VPS52: variants seen among roughly 807,000 people sequenced by gnomAD.
VPS52 encodes the protein vacuolar protein sorting-associated protein 52 homolog.
A neutral mutation model predicts 98.7 loss-of-function variants in VPS52; 56 were observed. The observed-to-expected ratio is 0.57, with a 90% CI of 0.46 to 0.71. VPS52 has a LOEUF of 0.71. VPS52 is among the 30% of genes least tolerant of loss of function. VPS52 has a pLI of 0.00. For missense variants in VPS52, 742 were observed against 925.9 expected (o/e 0.80, Z 2.58); for synonymous variants, 348 against 346.4 (o/e 1.00, Z -0.05).
At chr6:33,261,077 T>A (rs1763577778) in intron 17 of VPS52, among the ~76,000 whole-genome samples, 1 of 152,014 alleles carries the variant, frequency 6.6e-6, no homozygotes, top group Admixed American at 6.6e-5. Flanking sequence ...TTGTCTTTTG[T>A]AAAGACAACT....
intron 17 of VPS52, among the ~76,000 whole-genome samples, chr6:33,252,591 A>C (rs1429701283): frequency 6.2e-5 from 2 of 32,350 alleles, no homozygotes; most frequent in East Asian, 2.5e-3. Flanking sequence ...TCCGTCTCAA[A>C]AAAAAAAAAA....
chr6:33,269,919 C>A (rs903350775), intron 3 of VPS52, 80 bp downstream of exon 3: 1 of 1,604,682 alleles, frequency 6.2e-7, no homozygotes, highest in Admixed American at 1.7e-5. Flanking sequence ...CAGGCTGATA[C>A]AACAAAAGCA....
intron 13 of VPS52, 134 bp from the exon 14 acceptor site, chr6:33,264,631 A>G (rs1764072486): frequency 6.8e-7 from 1 of 1,467,804 alleles, no homozygotes. Flanking sequence ...GAGAAAGGTG[A>G]GTCAAAAAGC....
Position 33,270,259 on chromosome 6 carries a change from G to T in VPS52, c.115C>A (p.Pro39Thr). 1 of 1,613,284 alleles carries T rather than the reference G, an allele frequency of 6.2e-7. No homozygotes were observed. The highest frequency in any genetic ancestry group is 1.7e-4 in the Middle Eastern group (1 of 6,054). Residue 39 changes from proline (P) to threonine (T), a missense_variant, in exon 2 of 20, where the codon CCA becomes ACA. Physicochemically the swap from Pro to Thr is conservative, Grantham distance 38. Around this residue, in one of 2 missense-constraint regions of VPS52, gnomAD observed 152 missense variants for 132.6 expected, o/e 1.15. Transcript: ENST00000445902. ...ATATCCAACTCCCCAAGTTGCAGTG[G>T]TTCCTGGAGCCCAGGACCACCCGCC... ...PLAGGPGLQE[P>T]LQLGELDITS...
rs200453261 is a variant in VPS52, at chr6:33,264,150, C to A, written c.1525-47G>T. 8 of 1,603,728 alleles carry A rather than the reference C, an allele frequency of 5.0e-6. No homozygotes were observed. The Admixed American group carries it at 1.2e-4, about 23-fold the overall frequency. On this transcript the variant is annotated intron_variant, in intron 14 of 19. Transcript: ENST00000445902. ...AATCACACCCACCTCCTGGCCCAAC[C>A]AACACAACCTCCCAACTTCCTTAGC...
At chr6:33,258,496 A>G (rs1208405353) in intron 17 of VPS52, among the ~76,000 whole-genome samples, 6 of 152,026 alleles carry the variant, frequency 3.9e-5, no homozygotes, top group Non-Finnish European at 8.8e-5. Context: ...GATACATACT[A>G]AAAGATAATC....
At chr6:33,264,348 C>G in intron 14 of VPS52, 26 bp downstream of exon 14, 8 of 1,612,224 alleles carry the variant, frequency 5.0e-6, no homozygotes, top group South Asian at 1.1e-5. Context: ...TTTCAAGAAC[C>G]CTTTGTTACC....
rs900499552 is a variant in VPS52, at chr6:33,271,737, T to C, written c.-62A>G. The C allele has an allele frequency of 2.4e-5, 37 of 1,543,416 alleles. No homozygotes were observed. Among genetic ancestry groups the C allele is most frequent in the Non-Finnish European group, 3.2e-5 (37 of 1,143,156 alleles). ...GCGAGTCCGTTCCCCGGAGTGGAGC[T>C]ACAAGTCCCAAAGGGTCTTCCTCAG... is the stretch of plus-strand genomic sequence containing the variant. On this transcript the variant is annotated 5_prime_UTR_variant, in exon 1 of 20. Transcript: ENST00000445902.
intron 17 of VPS52, among the ~76,000 whole-genome samples, chr6:33,253,307 T>A (rs1226798169): frequency 1.3e-5 from 2 of 152,052 alleles, no homozygotes; most frequent in East Asian, 3.9e-4. Context: ...CTGGCCAACA[T>A]GGTGAAATCC....
chr6:33,267,052 T>C lies in VPS52; in HGVS notation c.1125+136A>G, dbSNP rs1280894521. On this transcript the variant is annotated intron_variant, in intron 11 of 19. Coordinates refer to ENST00000445902, the MANE Select transcript of VPS52 (RefSeq NM_022553.6). This position sits in a 1 kb window ranked among gnomAD's most constrained non-coding sequence, Gnocchi z 4.2. The stretch of plus-strand genomic sequence containing the variant: ...TTCACATCACAGCAGGCTGGAGTGA[T>C]TGGAGAAGGCCACTCCCAAGTCTAA... 4.8e-6 allele frequency: 6 copies of C among 1,259,850 alleles called. No individual in the cohort carries two copies. The highest frequency in any genetic ancestry group is 3.0e-5 in the African/African-American group (2 of 66,670). 78.0% of individuals were successfully genotyped at this position (1,259,850 alleles called of 1,614,324 possible).
intron 17 of VPS52, among the ~76,000 whole-genome samples, chr6:33,261,867 C>G (rs776001405): frequency 6.6e-6 from 1 of 151,722 alleles, no homozygotes; most frequent in Admixed American, 6.6e-5. Flanking sequence ...ATGGTGAAAC[C>G]CCATCTCTAC....
At position 33,267,331 on chromosome 6, in the gene VPS52, G is replaced by T. The variant is rs756469020; in HGVS notation, c.992-10C>A. 6.4e-7 allele frequency: 1 copy of T among 1,565,880 alleles called. No homozygotes were observed. Among genetic ancestry groups the T allele is most frequent in the East Asian group, 2.3e-5 (1 of 44,110 alleles). The stretch of plus-strand genomic sequence containing the variant: ...GGCTTTGAGAAGAATCGTAAGATGG[G>T]TCAGAGTCAGGGAAAACAATGAGAC... On this transcript the variant is annotated splice_polypyrimidine_tract_variant and intron_variant, in intron 10 of 19. Transcript: ENST00000445902. The surrounding 1 kb of genome is among the most constrained non-coding windows in gnomAD (Gnocchi z 4.2).
chr6:33,269,959 A>C, intron 3 of VPS52, 40 bp downstream of exon 3: 1 of 1,613,732 alleles, frequency 6.2e-7, no homozygotes, highest in Non-Finnish European at 8.5e-7. Flanking sequence ...TTTGGGGTAG[A>C]ATAGATAGAA....
At chr6:33,261,972 G>A (rs562534096) in intron 17 of VPS52, among the ~76,000 whole-genome samples, 2 of 145,378 alleles carry the variant, frequency 1.4e-5, no homozygotes, top group South Asian at 4.4e-4. Context: ...CCTGGGAGGC[G>A]GAGGTTGCGG....
At chr6:33,251,781 C>T (rs1762279195) in intron 18 of VPS52, 79 bp downstream of exon 18, 1 of 1,486,480 alleles carries the variant, frequency 6.7e-7, no homozygotes, top group Admixed American at 1.7e-5. Flanking sequence ...TATTCCCCCA[C>T]CATGTAATCT....
Position 33,251,246 on chromosome 6 carries a change from G to A in VPS52, c.2026-259C>T, listed in dbSNP as rs538867821. Among the ~76,000 whole-genome samples the A allele has an allele frequency of 4.8e-4, 73 of 152,102 alleles. 4 individuals are homozygous for A. The East Asian group carries it at 5.0e-3, about 10-fold the overall frequency. ...AATCCCAGCTACTTGGGAGGCTGAG[G>A]CAGGAAAATCACTTGAACCTGGGAG... On this transcript the variant is annotated intron_variant, in intron 19 of 19. Coordinates refer to ENST00000445902, the MANE Select transcript of VPS52 (RefSeq NM_022553.6).
rs150281408 is a variant in VPS52 at position 33,250,796 on chromosome 6, A to G, written c.*45T>C. On this transcript the variant is annotated 3_prime_UTR_variant, in exon 20 of 20. Transcript: ENST00000445902. ...AGAAGGGTATGGAATGGGGTGCAGA[A>G]GTCCATGGAGATGACCGGCAGATCT... 6.3e-7 allele frequency: 1 copy of G among 1,596,244 alleles called. No individual in the cohort carries two copies. Among genetic ancestry groups the G allele is most frequent in the Non-Finnish European group, 8.6e-7 (1 of 1,168,802 alleles).
In VPS52 at chr6:33,270,409, GA is replaced by G. The variant is rs375610661; in HGVS notation, c.91-127del. 1,970 of 859,690 alleles carry G rather than the reference GA, an allele frequency of 2.3e-3. 27 individuals are homozygous for G. The African/African-American group carries it at 0.024, about 10-fold the overall frequency. The allele number at this position is 859,690 out of a possible 1,614,324, so 53.3% of individuals were successfully genotyped here. A position where few individuals can be genotyped will look rare whatever the true frequency, so the allele number is the denominator to read the frequency against. On this transcript the variant is annotated intron_variant, in intron 1 of 19. Coordinates refer to ENST00000445902, the MANE Select transcript of VPS52 (RefSeq NM_022553.6). ...TACTGGGAGCCACAGGTACTGCTTT[GA>G]AAAATTCTAAGAGTCTCACGTTGTA...
chr6:33,264,330 G>A (rs1453810678), intron 14 of VPS52, 44 bp downstream of exon 14: 2 of 1,608,356 alleles, frequency 1.2e-6, no homozygotes, highest in South Asian at 1.1e-5. Flanking sequence ...GATGCTTAGA[G>A]CCCTGCCTTT....
Sources: gnomAD v4.1 joint callset for allele counts (sites outside exome capture counted in the v4.1 genomes callset) on GRCh38, gnomAD v4.1.1 for gene constraint, gnomAD v4.1.1 regional missense constraint, Gnocchi (gnomAD v3.1) non-coding constraint, MANE v1.5 for transcripts, NCBI Gene and HGNC (gene_info 2026-07-23, HGNC 2026-07-21) for gene names.